NDUFAF6: variants seen among roughly 807,000 people sequenced by gnomAD.
The protein encoded by NDUFAF6 is NADH dehydrogenase (ubiquinone) complex I, assembly factor 6.
A neutral mutation model predicts 40.8 loss-of-function variants in NDUFAF6; 45 were observed. The ratio of observed to expected loss-of-function variants is 1.10; its 90% CI spans 0.87 to 1.42. The LOEUF (loss-of-function observed/expected upper bound fraction) is 1.42, where lower values mean the gene tolerates loss of function less well. NDUFAF6 is among the 40% of genes most tolerant of loss of function. NDUFAF6 has a pLI of 0.00. For missense variants in NDUFAF6, 435 were observed against 418.5 expected, an observed-to-expected ratio of 1.04 and a Z score of -0.34; for synonymous variants, 185 against 155.9, an observed-to-expected ratio of 1.19 and a Z score of -1.39.
intron 2 of NDUFAF6, among the ~76,000 whole-genome samples, chr8:94,985,489 A>C (rs1360455565): frequency 8.6e-4 from 4 of 4,672 alleles, no homozygotes; most frequent in African/African-American, 3.2e-3. Context: ...ATATATATAT[A>C]TATATATATA....
chr8:94,982,932 G>A (rs1825562819), intron 2 of NDUFAF6, among the ~76,000 whole-genome samples: 1 of 152,176 alleles, frequency 6.6e-6, no homozygotes, highest in Non-Finnish European at 1.5e-5. Context: ...TCGTTATGTG[G>A]TCCTCACAAT....
At chr8:94,917,644 A>G (rs1371073814) in intron 1 of NDUFAF6, among the ~76,000 whole-genome samples, 1 of 152,224 alleles carries the variant, frequency 6.6e-6, no homozygotes. Context: ...TAGTGCATCA[A>G]CACTATAGAG....
intron 2 of NDUFAF6, among the ~76,000 whole-genome samples, chr8:95,006,111 A>G (rs1255815326): frequency 1.3e-5 from 2 of 151,984 alleles, no homozygotes; most frequent in Non-Finnish European, 2.9e-5. Flanking sequence ...TAATCTCAGC[A>G]CTTTGGGAGG....
At chr8:94,988,607 C>A (rs1175754604) in intron 2 of NDUFAF6, 1 of 152,092 alleles carries the variant, frequency 6.6e-6, no homozygotes, top group East Asian at 1.9e-4. Flanking sequence ...TTCTTAGTTT[C>A]ATTCCCTATT....
At chr8:95,107,756 A>G (rs1220530524), downstream of NDUFAF6, among the ~76,000 whole-genome samples, 1 of 152,218 alleles carries the variant, frequency 6.6e-6, no homozygotes, top group Non-Finnish European at 1.5e-5. Flanking sequence ...TTTTAAAGGT[A>G]CCAAGGAAGT....
chr8:94,917,678 G>A (rs1207655454), intron 1 of NDUFAF6, among the ~76,000 whole-genome samples: 1 of 152,042 alleles, frequency 6.6e-6, no homozygotes, highest in Admixed American at 6.6e-5. Context: ...TCAAATAAAT[G>A]TACAAATTCT....
upstream of NDUFAF6, among the ~76,000 whole-genome samples, chr8:94,954,682 TGTGCTTAAGAGCA>T (rs1822923014): frequency 6.6e-6 from 1 of 152,068 alleles, no homozygotes; most frequent in Non-Finnish European, 1.5e-5. Flanking sequence ...GAGTCTTTGC[TGTGCTTAAGAGCA>T]GTGCTGTTCT....
intron 2 of NDUFAF6, among the ~76,000 whole-genome samples, chr8:94,999,116 C>A (rs1406229484): frequency 6.6e-6 from 1 of 150,986 alleles, no homozygotes; most frequent in African/African-American, 2.4e-5. Context: ...CTACTAAATT[C>A]CATTCTACTT....
At chr8:94,939,480 T>C (rs969169577) in intron 1 of NDUFAF6, among the ~76,000 whole-genome samples, 72 of 152,358 alleles carry the variant, frequency 4.7e-4, no homozygotes, top group African/African-American at 1.7e-3. Context: ...CAATGCAACC[T>C]CTGCCTCCTG....
intron 9 of NDUFAF6, among the ~76,000 whole-genome samples, chr8:95,073,518 C>T (rs573453007): frequency 3.3e-5 from 5 of 152,274 alleles, no homozygotes; most frequent in South Asian, 2.1e-4. Context: ...CGCCTCGCCC[C>T]GCTGCTCCTC....
intron 2 of NDUFAF6, among the ~76,000 whole-genome samples, chr8:95,088,769 TA>T (rs1198571278): frequency 3.8e-5 from 5 of 131,198 alleles, no homozygotes; most frequent in Admixed American, 7.7e-5. Flanking sequence ...TTTATTTTAT[TA>T]TTTTTTTTGA....
exon 6 of NDUFAF6, chr8:95,116,274 C>T (rs1192349349): frequency 1.3e-5 from 2 of 151,016 alleles, no homozygotes; most frequent in African/African-American, 4.9e-5. Flanking sequence ...TTCTAGATGC[C>T]GCAGATGGTG....
chr8:95,011,734 T>C (rs1827235129), intron 2 of NDUFAF6, among the ~76,000 whole-genome samples: 1 of 152,214 alleles, frequency 6.6e-6, no homozygotes, highest in Non-Finnish European at 1.5e-5. Flanking sequence ...TAAAACAGAA[T>C]TTCAGGGATT....
At chr8:95,070,969 A>C (rs910644842) in intron 9 of NDUFAF6, among the ~76,000 whole-genome samples, 9 of 152,212 alleles carry the variant, frequency 5.9e-5, no homozygotes, top group Non-Finnish European at 8.8e-5. Flanking sequence ...CAAGCAGTAA[A>C]AAGCAATTTC....
chr8:94,950,227 G>A (rs977741462), intron 2 of NDUFAF6: 12 of 152,292 alleles, frequency 7.9e-5, no homozygotes, highest in African/African-American at 2.4e-4. Context: ...GCAAATTGTG[G>A]GCATTCACGC....
At chr8:95,078,778 AATGTCAT>A (rs1043954001), downstream of NDUFAF6, 1 of 151,484 alleles carries the variant, frequency 6.6e-6, no homozygotes, top group Admixed American at 6.6e-5. Context: ...CATCATTTCG[AATGTCAT>A]ATAAATGGAA....
chr8:94,991,288 A>T, intron 2 of NDUFAF6, among the ~76,000 whole-genome samples: 1 of 152,180 alleles, frequency 6.6e-6, no homozygotes, highest in East Asian at 1.9e-4. Context: ...TTTGGCTATG[A>T]CTTTTGATTA....
At chr8:95,012,442 C>T (rs887857951) in intron 2 of NDUFAF6, among the ~76,000 whole-genome samples, 1 of 152,172 alleles carries the variant, frequency 6.6e-6, no homozygotes, top group African/African-American at 2.4e-5. Flanking sequence ...TAAAGCTACA[C>T]ACAGCTAATA....
exon 3 of NDUFAF6, chr8:95,103,122 G>A (rs908913370): frequency 6.6e-6 from 1 of 152,316 alleles, no homozygotes; most frequent in East Asian, 1.9e-4. Context: ...GTTTTGCCAA[G>A]CTTGTGTCAC....
Sources: gnomAD v4.1 joint callset for allele counts (sites outside exome capture counted in the v4.1 genomes callset) on GRCh38, gnomAD v4.1.1 for gene constraint, MANE v1.5 for transcripts, NCBI Gene and HGNC (gene_info 2026-07-23, HGNC 2026-07-21) for gene names.